ENTREP2: variants seen among roughly 807,000 people sequenced by gnomAD.
The protein encoded by ENTREP2 is protein ENTREP2.
At chr15:29,362,056 C>T in the ENTREP2 span, among the ~76,000 whole-genome samples, 1 of 152,178 alleles carries the variant, frequency 6.6e-6, no homozygotes, top group African/African-American at 2.4e-5. Context: ...AAGAAACACA[C>T]AGACTCTGGG....
At chr15:29,636,662 C>T in the ENTREP2 span, among the ~76,000 whole-genome samples, 5 of 152,198 alleles carry the variant, frequency 3.3e-5, no homozygotes, top group Middle Eastern at 3.2e-3. Context: ...ACAACCCTGA[C>T]ACCAACATAA....
At chr15:29,163,946 T>C in the ENTREP2 span, among the ~76,000 whole-genome samples, 1 of 152,176 alleles carries the variant, frequency 6.6e-6, no homozygotes, top group South Asian at 2.1e-4. Context: ...AAAGAAAACC[T>C]ATCAGATTAA....
the ENTREP2 span, among the ~76,000 whole-genome samples, chr15:29,246,973 G>GCGCACA: frequency 4.8e-4 from 66 of 137,094 alleles, no homozygotes; most frequent in Admixed American, 3.6e-3. Context: ...GACTGGAAAG[G>GCGCACA]CACACACACA....
At chr15:29,545,042 G>C in the ENTREP2 span, among the ~76,000 whole-genome samples, 3 of 152,308 alleles carry the variant, frequency 2.0e-5, no homozygotes, top group African/African-American at 7.2e-5. Context: ...TGGACAGAAG[G>C]TTGCCTTCCA....
At chr15:29,425,650 T>C in the ENTREP2 span, among the ~76,000 whole-genome samples, 121 of 152,364 alleles carry the variant, frequency 7.9e-4, no homozygotes, top group Non-Finnish European at 1.3e-3. Context: ...CCTTAATTTT[T>C]GTTTCTCTAA....
the ENTREP2 span, among the ~76,000 whole-genome samples, chr15:29,257,050 AT>A: frequency 1.7e-5 from 2 of 120,212 alleles, no homozygotes; most frequent in South Asian, 2.8e-4. Context: ...TTTATTATTT[AT>A]TTATTTATTT....
the ENTREP2 span, among the ~76,000 whole-genome samples, chr15:29,540,635 C>G: frequency 3.9e-4 from 60 of 152,278 alleles, no homozygotes; most frequent in African/African-American, 1.4e-3. Context: ...TGTCAGGAGA[C>G]GAAAACCTAA....
At chr15:29,624,161 G>C in the ENTREP2 span, among the ~76,000 whole-genome samples, 5 of 152,186 alleles carry the variant, frequency 3.3e-5, no homozygotes, top group Non-Finnish European at 7.3e-5. Context: ...TGCACTCTGT[G>C]TCTTCTTAGT....
the ENTREP2 span, among the ~76,000 whole-genome samples, chr15:29,668,021 C>A: frequency 6.6e-6 from 1 of 152,068 alleles, no homozygotes; most frequent in South Asian, 2.1e-4. Flanking sequence ...GAGAAGACAC[C>A]CATTGCTCCT....
the ENTREP2 span, among the ~76,000 whole-genome samples, chr15:29,312,825 G>A: frequency 2.8e-3 from 428 of 152,224 alleles, 1 homozygote; most frequent in African/African-American, 9.9e-3. Flanking sequence ...AGGGTCACAC[G>A]TTTCTCATTT....
At chr15:29,168,222 C>G in the ENTREP2 span, among the ~76,000 whole-genome samples, 1 of 152,110 alleles carries the variant, frequency 6.6e-6, no homozygotes, top group Non-Finnish European at 1.5e-5. Flanking sequence ...AAATAGGGTG[C>G]AGTGTATACT....
chr15:29,671,331 T>C, the ENTREP2 span, among the ~76,000 whole-genome samples: 1 of 152,218 alleles, frequency 6.6e-6, no homozygotes, highest in Non-Finnish European at 1.5e-5. Context: ...TAGCCAATTA[T>C]TGACCTGAGG....
the ENTREP2 span, among the ~76,000 whole-genome samples, chr15:29,478,518 G>C: frequency 6.6e-6 from 1 of 152,084 alleles, no homozygotes; most frequent in African/African-American, 2.4e-5. Flanking sequence ...GCTGGAGGTG[G>C]GGCCTGGTGG....
the ENTREP2 span, among the ~76,000 whole-genome samples, chr15:29,310,323 G>A: frequency 1.3e-5 from 2 of 152,168 alleles, no homozygotes; most frequent in Non-Finnish European, 2.9e-5. Context: ...TAAAACAGAA[G>A]CTCCTACGCA....
the ENTREP2 span, among the ~76,000 whole-genome samples, chr15:29,197,062 T>C: frequency 3.7e-3 from 564 of 152,298 alleles, 2 homozygotes; most frequent in African/African-American, 0.013. Context: ...ACTGACTTTA[T>C]CCAGCTACAG....
chr15:29,418,179 T>C, the ENTREP2 span, among the ~76,000 whole-genome samples: 1 of 152,168 alleles, frequency 6.6e-6, no homozygotes, highest in African/African-American at 2.4e-5. Flanking sequence ...ATCAGCACTA[T>C]TAAAAACCAA....
At chr15:29,169,833 C>T in the ENTREP2 span, among the ~76,000 whole-genome samples, 2 of 152,154 alleles carry the variant, frequency 1.3e-5, no homozygotes, top group African/African-American at 4.8e-5. Flanking sequence ...CTGCCAATAT[C>T]ACTTCTGTTC....
chr15:29,405,989 C>T, the ENTREP2 span, among the ~76,000 whole-genome samples: 2 of 152,216 alleles, frequency 1.3e-5, no homozygotes, highest in African/African-American at 4.8e-5. Flanking sequence ...AAACCATCTA[C>T]ATTCACACGG....
chr15:29,345,781 A>G, the ENTREP2 span, among the ~76,000 whole-genome samples: 1 of 152,014 alleles, frequency 6.6e-6, no homozygotes, highest in Non-Finnish European at 1.5e-5. Context: ...TTAGGAATGC[A>G]AAGAGGAGAC....
Sources: gnomAD v4.1 joint callset for allele counts (sites outside exome capture counted in the v4.1 genomes callset) on GRCh38, gnomAD v4.1.1 for gene constraint, MANE v1.5 for transcripts, NCBI Gene and HGNC (gene_info 2026-07-23, HGNC 2026-07-21) for gene names.